Variants in DMD observed in about 807,000 individuals in gnomAD.
The protein encoded by DMD is mutant dystrophin.
Under a neutral mutation model 330.1 loss-of-function variants are expected in DMD, and 63 were observed. The observed-to-expected ratio is 0.19, with a 90% CI of 0.16 to 0.24. The LOEUF (loss-of-function observed/expected upper bound fraction) is 0.24, where lower values mean the gene tolerates loss of function less well. DMD is among the 10% of genes least tolerant of loss of function. The pLI, the probability that DMD is intolerant of heterozygous loss-of-function variation, is 1.00. For missense variants in DMD, 3,344 were observed against 2,684.1 expected, an observed-to-expected ratio of 1.25 and a Z score of -5.43; for synonymous variants, 1,223 against 959.8, an observed-to-expected ratio of 1.27 and a Z score of -5.07.
intron 62 of DMD, among the ~76,000 whole-genome samples, chrX:31,299,186 T>A (rs2054437809): frequency 8.9e-6 from 1 of 111,936 alleles, no homozygotes; most frequent in Non-Finnish European, 1.9e-5. Context: ...TAATAAGGAA[T>A]GCTGATGCAC....
At chrX:32,500,146 G>A (rs908217374) in intron 19 of DMD, among the ~76,000 whole-genome samples, 1 of 110,563 alleles carries the variant, frequency 9.0e-6, no homozygotes, top group Non-Finnish European at 1.9e-5. Context: ...ACCCCCCAGT[G>A]TTCCCTGGTA....
At chrX:32,565,227 T>G (rs2051550200) in intron 16 of DMD, among the ~76,000 whole-genome samples, 1 of 111,913 alleles carries the variant, frequency 8.9e-6, no homozygotes, top group East Asian at 2.8e-4. Context: ...AATAGTCAGA[T>G]AATTAACTAC....
chrX:32,340,728 T>G (rs1042511883), intron 41 of DMD, among the ~76,000 whole-genome samples: 2 of 112,058 alleles, frequency 1.8e-5, no homozygotes, highest in African/African-American at 6.5e-5. Flanking sequence ...TTGATTGCCT[T>G]AATCTTTCGC....
intron 23 of DMD, among the ~76,000 whole-genome samples, chrX:32,465,129 T>G (rs1185878104): frequency 1.8e-5 from 2 of 112,232 alleles, no homozygotes. Context: ...TTTCTACAGA[T>G]GACAGTTTAA....
At chrX:32,639,002 C>T (rs1247295228) in intron 11 of DMD, among the ~76,000 whole-genome samples, 1 of 111,469 alleles carries the variant, frequency 9.0e-6, no homozygotes, top group African/African-American at 3.3e-5. Context: ...TGTATCTACC[C>T]AGATACTATT....
chrX:33,095,172 G>A (rs1603271537), intron 1 of DMD, among the ~76,000 whole-genome samples: 1 of 112,144 alleles, frequency 8.9e-6, no homozygotes, highest in Non-Finnish European at 1.9e-5. Context: ...ACAACGTTTT[G>A]AATATTTAAA....
At chrX:32,859,495 ACACACACACACACAC>A (rs1472206753) in intron 2 of DMD, among the ~76,000 whole-genome samples, 1 of 92,524 alleles carries the variant, frequency 1.1e-5, no homozygotes, top group African/African-American at 4.2e-5. Context: ...ACACACACAC[ACACACACACACACAC>A]AAGTTAAAGT....
intron 1 of DMD, among the ~76,000 whole-genome samples, 165 bp from the exon 2 acceptor site, chrX:33,020,365 T>A (rs756996791): frequency 1.8e-5 from 2 of 112,247 alleles, no homozygotes; most frequent in African/African-American, 3.2e-5. Flanking sequence ...GTTTGGGGCA[T>A]CCAAATTAAA....
chrX:31,674,400 C>A (rs1393157137), intron 53 of DMD, among the ~76,000 whole-genome samples: 1 of 112,236 alleles, frequency 8.9e-6, no homozygotes, highest in Non-Finnish European at 1.9e-5. Context: ...AGAATGCCTT[C>A]AAAAACACAG....
rs73619035 is a variant in DMD, at chrX:32,198,834, T to C, written c.6438+18082A>G. Among the ~76,000 whole-genome samples the C allele has an allele frequency of 4.6e-3, 519 of 112,266 alleles. 2 individuals are homozygous for C. Among genetic ancestry groups the C allele is most frequent in the African/African-American group, 0.016 (497 of 30,915 alleles). On this transcript the variant is annotated intron_variant, in intron 44 of 78. Transcript: ENST00000357033. ...GTCCCCAGTATACTCTGAACAAAAT[T>C]AAACATTTAATTGGAAAAAATACAT... is the stretch of plus-strand genomic sequence containing the variant.
chrX:31,825,528 T>A (rs2092874570), intron 49 of DMD, among the ~76,000 whole-genome samples: 2 of 111,600 alleles, frequency 1.8e-5, no homozygotes, highest in African/African-American at 6.5e-5. Flanking sequence ...TTGACTTAGG[T>A]TCCACTCTCT....
chrX:32,408,904 CTATCT>C (rs1569561564), intron 30 of DMD, among the ~76,000 whole-genome samples: 258 of 108,013 alleles, frequency 2.4e-3, no homozygotes, highest in African/African-American at 8.7e-3. Context: ...ATCTATCTAT[CTATCT>C]ATCCATCCAT....
intron 9 of DMD, among the ~76,000 whole-genome samples, chrX:32,683,486 C>G (rs2062591728): frequency 9.2e-6 from 1 of 108,789 alleles, no homozygotes; most frequent in South Asian, 4.0e-4. Flanking sequence ...AGTTCATGTC[C>G]TTTGTAGGGA....
At position 31,464,850 on chromosome X, in the gene DMD, A is replaced by G. The variant is rs1020420452; in HGVS notation, c.8937+13256T>C. On this transcript the variant is annotated intron_variant, in intron 59 of 78. Transcript: ENST00000357033. ...CTTCGGTGAAGACAGCTGGGGTTCA[A>G]ATGAAACTGAAAAAGAACTTATATG... 4.4e-5 allele frequency among the ~76,000 whole-genome samples: 5 copies of G among 112,546 alleles called. No individual in the cohort carries two copies. In the East Asian group the frequency reaches 1.4e-3, roughly 31 times the overall value.
chrX:31,794,197 C>T (rs1393757841), intron 50 of DMD, among the ~76,000 whole-genome samples: 4 of 111,609 alleles, frequency 3.6e-5, no homozygotes, highest in African/African-American at 1.3e-4. Flanking sequence ...AAAGCCCACT[C>T]TACTTGGACT....
intron 63 of DMD, among the ~76,000 whole-genome samples, chrX:31,245,294 C>G (rs1006959402): frequency 1.8e-5 from 2 of 111,852 alleles, no homozygotes; most frequent in Non-Finnish European, 3.8e-5. Flanking sequence ...TAATAATCCG[C>G]CTTAGAAAAC....
chrX:32,547,101 T>C (rs1292671018), intron 16 of DMD, among the ~76,000 whole-genome samples: 3 of 111,280 alleles, frequency 2.7e-5, no homozygotes, highest in Non-Finnish European at 5.7e-5. Context: ...ACACTTTCTT[T>C]GCATACAGTG....
At chrX:33,211,599 C>T, upstream of DMD, 1 of 976,322 alleles carries the variant, frequency 1.0e-6, no homozygotes, top group Non-Finnish European at 1.3e-6. Context: ...AGGACCTGCG[C>T]ACAAGCAAGT....
At chrX:32,022,825 C>CTTTTT (rs753993138) in intron 44 of DMD, among the ~76,000 whole-genome samples, 4 of 90,400 alleles carry the variant, frequency 4.4e-5, no homozygotes, top group African/African-American at 1.7e-4. Context: ...GTATAATCCT[C>CTTTTT]TTTTTTTTTT....
Sources: allele counts gnomAD v4.1 joint callset (sites outside exome capture counted in the v4.1 genomes callset), GRCh38; gene constraint gnomAD v4.1.1; transcripts MANE v1.5; gene names NCBI Gene and HGNC (gene_info 2026-07-23, HGNC 2026-07-21).